KAT6A: variants seen among roughly 807,000 people sequenced by gnomAD.
KAT6A encodes the protein histone acetyltransferase KAT6A.
Under a neutral mutation model 198.4 loss-of-function variants are expected in KAT6A, and 9 were observed. That is an observed-to-expected ratio of 0.05 (90% confidence interval 0.03 to 0.08). The LOEUF (loss-of-function observed/expected upper bound fraction) is 0.08, where lower values mean the gene tolerates loss of function less well. KAT6A is among the 10% of genes least tolerant of loss of function. The probability of loss-of-function intolerance (pLI) is 1.00; values close to 1 mark genes in which losing one functional copy is unlikely to be tolerated. For synonymous variants in KAT6A, 890 were observed against 883.0 expected, an observed-to-expected ratio of 1.01 and a Z score of -0.14; for missense variants, 2,077 against 2,509.9, an observed-to-expected ratio of 0.83 and a Z score of 3.69.
At chr8:41,990,799 C>G (rs923106214) in intron 2 of KAT6A, among the ~76,000 whole-genome samples, 11 of 152,072 alleles carry the variant, frequency 7.2e-5, no homozygotes, top group African/African-American at 2.2e-4. Flanking sequence ...CAAGACCAGC[C>G]TGGCCAACAT....
At chr8:41,935,016 C>T in intron 16 of KAT6A, 149 bp from the exon 17 acceptor site, 1 of 692,442 alleles carries the variant, frequency 1.4e-6, no homozygotes, top group Admixed American at 3.1e-5. Context: ...AGTTAAGAAC[C>T]TAGAGGATAA....
intron 14 of KAT6A, chr8:41,942,165 T>G (rs1822172025): frequency 4.8e-6 from 1 of 208,814 alleles, no homozygotes; most frequent in South Asian, 1.9e-4. Context: ...CAATGACACA[T>G]GCACTACAGT....
At chr8:42,039,653 T>G (rs1827545938) in intron 2 of KAT6A, among the ~76,000 whole-genome samples, 1 of 152,208 alleles carries the variant, frequency 6.6e-6, no homozygotes, top group African/African-American at 2.4e-5. Context: ...TAAAAAGAAA[T>G]TTAATGTATT....
At chr8:41,965,650 A>G (rs1318701857) in intron 8 of KAT6A, among the ~76,000 whole-genome samples, 2 of 152,180 alleles carry the variant, frequency 1.3e-5, no homozygotes, top group African/African-American at 4.8e-5. Context: ...TTCAGTTAAC[A>G]TTGCACCATG....
chr8:41,984,086 A>G (rs968859331), intron 3 of KAT6A, among the ~76,000 whole-genome samples: 1 of 152,226 alleles, frequency 6.6e-6, no homozygotes, highest in Non-Finnish European at 1.5e-5. Context: ...TTTAGAAAAT[A>G]TCAACGTTCA....
At chr8:42,015,183 A>G (rs1297377788) in intron 2 of KAT6A, among the ~76,000 whole-genome samples, 1 of 152,224 alleles carries the variant, frequency 6.6e-6, no homozygotes, top group Non-Finnish European at 1.5e-5. Flanking sequence ...AATATGTCCA[A>G]TGTGGTCTCA....
At position 41,934,588 on chromosome 8, in the gene KAT6A, A is replaced by G. The variant is rs762714256; in HGVS notation, c.3632T>C (p.Val1211Ala). ...TAGGGGCATGTCTTCTTTTGGCTCAACAGTTTCTTCACTCTCCTGGATCTT... is the reference window on the plus strand; with the variant it reads ...TAGGGGCATGTCTTCTTTTGGCTCAGCAGTTTCTTCACTCTCCTGGATCTT... ...KPKIQESEET[V>A]EPKEDMPLPE... The change falls in exon 17 of 17, where the codon GTT becomes GCT. Residue 1211 changes from valine to alanine, a missense_variant. Val to Ala is a moderately conservative substitution (Grantham distance 64). Coordinates refer to ENST00000265713, the MANE Select transcript of KAT6A (RefSeq NM_006766.5). 1.2e-6 allele frequency: 2 copies of G among 1,613,864 alleles called. No individual in the cohort carries two copies. The highest frequency in any genetic ancestry group is 2.2e-5 in the South Asian group (2 of 91,054).
intron 2 of KAT6A, among the ~76,000 whole-genome samples, chr8:42,031,328 G>A (rs1304062486): frequency 6.6e-6 from 1 of 152,058 alleles, no homozygotes; most frequent in African/African-American, 2.4e-5. Flanking sequence ...GTGGCAAATG[G>A]TACTTTTCAG....
intron 10 of KAT6A, among the ~76,000 whole-genome samples, chr8:41,948,440 T>C (rs1376101102): frequency 6.6e-6 from 1 of 152,162 alleles, no homozygotes; most frequent in Non-Finnish European, 1.5e-5. Context: ...CCAAGCGGGT[T>C]CCTCAAGCAA....
chr8:42,034,452 A>G (rs1464771752), intron 2 of KAT6A, among the ~76,000 whole-genome samples: 3 of 152,238 alleles, frequency 2.0e-5, no homozygotes, highest in Non-Finnish European at 2.9e-5. Flanking sequence ...GGAGCAACGC[A>G]CGGGAATGGG....
In KAT6A at chr8:41,977,108, A is replaced by G. The variant is rs1437442323; in HGVS notation, c.1263T>C (p.Pro421=). ...CTTCCCCCCGAGCTTTCCGCCCATCAGGGGAAGGGGTAAAAAATTTGGTAA... is the reference window on the plus strand; with the variant it reads ...CTTCCCCCCGAGCTTTCCGCCCATCGGGGGAAGGGGTAAAAAATTTGGTAA... ...DGLTKFFTPS[P]DGRKARGEVV... is the part of the protein sequence containing the mutation. The change falls in exon 7 of 17, where the codon CCT becomes CCC. Residue 421 remains proline, a synonymous_variant. Coordinates refer to ENST00000265713, the MANE Select transcript of KAT6A (RefSeq NM_006766.5). The G allele has an allele frequency of 6.2e-7, 1 of 1,614,040 alleles. No homozygotes were observed. Among genetic ancestry groups the G allele is most frequent in the African/African-American group, 1.3e-5 (1 of 74,922 alleles).
rs541206933 is a variant in KAT6A at position 42,042,121 on chromosome 8, T to C, written c.600+6257A>G. Among the ~76,000 whole-genome samples, 57 of 152,296 alleles carry C rather than the reference T, an allele frequency of 3.7e-4. No individual in the cohort carries two copies. The East Asian group carries it at 0.01, about 27-fold the overall frequency. Reference sequence around the variant, plus strand: ...TTCTACTATAAAGGTCATTTCCAAATAGCTAAATCAAAACTTCATCACTCT... The same window carrying C: ...TTCTACTATAAAGGTCATTTCCAAACAGCTAAATCAAAACTTCATCACTCT... On this transcript the variant is annotated intron_variant, in intron 2 of 16. Transcript: ENST00000265713.
intron 2 of KAT6A, among the ~76,000 whole-genome samples, chr8:42,016,723 A>G (rs183397558): frequency 2.3e-3 from 355 of 152,326 alleles, no homozygotes; most frequent in African/African-American, 8.4e-3. Context: ...GGAGGGAGAT[A>G]GAAGAAATTT....
At chr8:42,003,371 C>G (rs1001873026) in intron 2 of KAT6A, among the ~76,000 whole-genome samples, 1 of 152,060 alleles carries the variant, frequency 6.6e-6, no homozygotes, top group Non-Finnish European at 1.5e-5. Flanking sequence ...AGCAATCAGG[C>G]AGCGGGCCTT....
In KAT6A at chr8:41,953,631, G is replaced by A. The variant is rs147351283; in HGVS notation, c.1598+1665C>T. Among the ~76,000 whole-genome samples, 593 of 152,136 alleles carry A rather than the reference G, an allele frequency of 3.9e-3. 12 individuals carry two copies. The highest frequency in any genetic ancestry group is 0.033 in the Admixed American group (499 of 15,280). ...TGGGATTACAGGCACCCACCACCAC[G>A]CCTGGCTAATTTTTATATTTTTAGT... On this transcript the variant is annotated intron_variant, in intron 9 of 16. Coordinates refer to ENST00000265713, the MANE Select transcript of KAT6A (RefSeq NM_006766.5).
intron 2 of KAT6A, among the ~76,000 whole-genome samples, chr8:41,995,776 A>G (rs1003668128): frequency 3.3e-5 from 5 of 150,772 alleles, no homozygotes; most frequent in African/African-American, 9.8e-5. Flanking sequence ...TCCTGGTTCA[A>G]GTGATTCTCT....
Position 41,979,265 on chromosome 8 carries a change from C to T in KAT6A, c.908-488G>A, listed in dbSNP as rs146420708. Among the ~76,000 whole-genome samples the T allele has an allele frequency of 7.4e-3, 1,122 of 151,996 alleles. 13 individuals carry two copies. Among genetic ancestry groups the T allele is most frequent in the African/African-American group, 0.026 (1,066 of 41,490 alleles). ...CCTGGGCGACAGAGTGAGACTCCGT[C>T]TCAAAAAAAAAGTTTCCTGCCTAAA... On this transcript the variant is annotated intron_variant, in intron 5 of 16. Coordinates refer to ENST00000265713, the MANE Select transcript of KAT6A (RefSeq NM_006766.5).
At chr8:41,996,620 G>A (rs2150899570) in intron 2 of KAT6A, among the ~76,000 whole-genome samples, 1 of 152,228 alleles carries the variant, frequency 6.6e-6, no homozygotes, top group Admixed American at 6.5e-5. Context: ...TCAGGGGAGT[G>A]GGCTAGTTAT....
At chr8:41,967,106 C>T (rs768010656) in intron 8 of KAT6A, among the ~76,000 whole-genome samples, 15 of 151,962 alleles carry the variant, frequency 9.9e-5, no homozygotes, top group Non-Finnish European at 1.6e-4. Flanking sequence ...CAGAACCATA[C>T]AAAAACCAAA....
Sources: allele counts gnomAD v4.1 joint callset (sites outside exome capture counted in the v4.1 genomes callset), GRCh38; gene constraint gnomAD v4.1.1; transcripts MANE v1.5; gene names NCBI Gene and HGNC (gene_info 2026-07-23, HGNC 2026-07-21).